TUBGCP2: variants seen among roughly 807,000 people sequenced by gnomAD.
The protein encoded by TUBGCP2 is tubulin gamma complex component 2.
A neutral mutation model predicts 92.2 loss-of-function variants in TUBGCP2; 55 were observed. The ratio of observed to expected loss-of-function variants is 0.60; its 90% CI spans 0.48 to 0.75. The LOEUF is 0.75. Among genes scored for constraint, TUBGCP2 ranks in the 30% least tolerant of loss-of-function variants. TUBGCP2 has a pLI of 0.00. For synonymous variants in TUBGCP2, 533 were observed against 505.2 expected (o/e 1.06, Z -0.74); for missense variants, 1,093 against 1,188.9 (o/e 0.92, Z 1.19).
chr10:133,287,532 A>G (rs551865658), intron 11 of TUBGCP2, among the ~76,000 whole-genome samples: 3 of 152,316 alleles, frequency 2.0e-5, no homozygotes, highest in Non-Finnish European at 2.9e-5. Flanking sequence ...ACCTGAGGTC[A>G]AGAGTTCAAG....
At chr10:133,291,347 A>G (rs867013162) in intron 8 of TUBGCP2, among the ~76,000 whole-genome samples, 20 of 2,740 alleles carry the variant, frequency 7.3e-3, no homozygotes, top group Non-Finnish European at 7.6e-3. Context: ...CGTGTCCCCC[A>G]TGTCCCTCCG....
chr10:133,305,097 G>A (rs1483217882), intron 1 of TUBGCP2, among the ~76,000 whole-genome samples: 1 of 152,252 alleles, frequency 6.6e-6, no homozygotes, highest in African/African-American at 2.4e-5. Flanking sequence ...AGTCAGGCCC[G>A]CCCGCAGTTA....
upstream of TUBGCP2, among the ~76,000 whole-genome samples, chr10:133,311,450 A>G (rs1847985662): frequency 6.6e-6 from 1 of 152,248 alleles, no homozygotes; most frequent in Non-Finnish European, 1.5e-5. Flanking sequence ...CGTTGGCACC[A>G]TAAAAATACT....
chr10:133,293,678 C>A lies in TUBGCP2; in HGVS notation c.708G>T (p.Gln236His), dbSNP rs773586126. 6.2e-7 allele frequency: 1 copy of A among 1,602,170 alleles called. No homozygotes were observed. The highest frequency in any genetic ancestry group is 1.3e-5 in the African/African-American group (1 of 74,950). ...VGVDGRYVSA[Q>H]PLAGRQSRTF... ...TCCGGCTCTGCCTCCCAGCCAGGGG[C>A]TGAGCACTGACGTACCTCCCGTCCA... is the stretch of plus-strand genomic sequence containing the variant. Residue 236 changes from glutamine to histidine, a missense_variant, in exon 6 of 18, where the codon CAG becomes CAT. This residue lies in a region of TUBGCP2 where 490 missense variants were observed against 488.5 expected (regional missense o/e 1.00). Transcript: ENST00000252936.
intron 11 of TUBGCP2, 145 bp downstream of exon 11, chr10:133,287,984 C>A: frequency 1.7e-6 from 2 of 1,171,890 alleles, no homozygotes; most frequent in South Asian, 1.8e-5. Flanking sequence ...GGCAAGCCGG[C>A]CCCGGTAGCC....
upstream of TUBGCP2, chr10:133,310,362 A>G (rs943942265): frequency 6.3e-7 from 1 of 1,580,522 alleles, no homozygotes; most frequent in South Asian, 1.1e-5. Flanking sequence ...CGGAATGCAT[A>G]GACGGTCAGA....
upstream of TUBGCP2, chr10:133,311,887 G>A (rs374617214): frequency 1.2e-5 from 19 of 1,613,086 alleles, no homozygotes; most frequent in African/African-American, 1.1e-4. Flanking sequence ...ACATGTGTTC[G>A]GTGCTGAGGA....
intron 9 of TUBGCP2, 109 bp from the exon 10 acceptor site, chr10:133,289,129 C>T (rs1847208756): frequency 3.2e-6 from 4 of 1,269,134 alleles, no homozygotes; most frequent in Non-Finnish European, 4.3e-6. Flanking sequence ...GGGCTCTCCA[C>T]ACGGTCAGTC....
upstream of TUBGCP2, among the ~76,000 whole-genome samples, chr10:133,311,288 G>A (rs894377097): frequency 6.6e-6 from 1 of 152,120 alleles, no homozygotes; most frequent in Non-Finnish European, 1.5e-5. Context: ...AAAGACTTAC[G>A]TGTAAAGTAA....
upstream of TUBGCP2, chr10:133,310,666 C>A (rs550153154): frequency 3.9e-6 from 1 of 256,068 alleles, no homozygotes; most frequent in Admixed American, 5.0e-5. Flanking sequence ...CTCCTGCAGC[C>A]GTCGGCCGTG....
rs1430399587 is a variant in TUBGCP2 at position 133,285,039 on chromosome 10, C to T, written c.2024+46G>A. ...CGCTGCACCACTGGGCAGAGTGCAG[C>T]GAGCGCTGCTTCAGGAGGGCATGCG... On this transcript the variant is annotated intron_variant, in intron 13 of 17. Coordinates refer to ENST00000252936, the MANE Select transcript of TUBGCP2 (RefSeq NM_006659.4). This position sits in a 1 kb window ranked among gnomAD's most constrained non-coding sequence, Gnocchi z 6.8. 20 of 1,560,212 alleles carry T rather than the reference C, an allele frequency of 1.3e-5. No individual in the cohort carries two copies. Among genetic ancestry groups the T allele is most frequent in the South Asian group, 6.0e-5 (5 of 83,572 alleles).
chr10:133,292,791 G>A, intron 7 of TUBGCP2, 103 bp from the exon 8 acceptor site: 2 of 1,374,550 alleles, frequency 1.5e-6, no homozygotes, highest in Non-Finnish European at 2.0e-6. Context: ...CTTCTTCCTG[G>A]GACGGTGCTG....
At chr10:133,309,503 G>C (rs569651642), upstream of TUBGCP2, 1 of 1,588,408 alleles carries the variant, frequency 6.3e-7, no homozygotes, top group African/African-American at 1.3e-5. Flanking sequence ...CTACTCCTGC[G>C]CCGCCTCCCT....
rs766551476 is a variant in TUBGCP2, at chr10:133,289,972, A to G, written c.1215-3T>C. On this transcript the variant is annotated splice_polypyrimidine_tract_variant and splice_region_variant and intron_variant, in intron 8 of 17. Transcript: ENST00000252936. ...CGTGCTCCTCGACCATAAACTCACTAAAACCACAGGGAGCGCTTCGGTCAC... is the reference window on the plus strand; with the variant it reads ...CGTGCTCCTCGACCATAAACTCACTGAAACCACAGGGAGCGCTTCGGTCAC... 2 of 1,612,782 alleles carry G rather than the reference A, an allele frequency of 1.2e-6. No homozygotes were observed. Among genetic ancestry groups the G allele is most frequent in the Non-Finnish European group, 1.7e-6 (2 of 1,179,002 alleles).
chr10:133,285,573 T>G lies in TUBGCP2; in HGVS notation c.1778A>C (p.Glu593Ala). The G allele has an allele frequency of 6.4e-7, 1 of 1,560,608 alleles. No individual in the cohort carries two copies. The highest frequency in any genetic ancestry group is 8.7e-7 in the Non-Finnish European group (1 of 1,150,718). ...ITQLLRVLAI[E>A]TKQEKAMAHA... ...CGCCATCGCCTTCTCCTGCTTGGTC[T>G]CGATGGCCAGGACGCGCAAGAGCTG... Residue 593 changes from glutamate (E) to alanine (A), a missense_variant, in exon 12 of 18, where the codon GAG (glutamate) becomes GCG (alanine). Glu to Ala is a moderately radical substitution (Grantham distance 107). Around this residue, in one of 3 missense-constraint regions of TUBGCP2, gnomAD observed 598 missense variants for 675.5 expected, o/e 0.89. Coordinates refer to ENST00000252936, the MANE Select transcript of TUBGCP2 (RefSeq NM_006659.4). This position sits in a 1 kb window ranked among gnomAD's most constrained non-coding sequence, Gnocchi z 6.8.
chr10:133,289,709 G>T, intron 9 of TUBGCP2, 115 bp downstream of exon 9: 2 of 1,328,420 alleles, frequency 1.5e-6, no homozygotes, highest in African/African-American at 1.5e-5. Flanking sequence ...GGACACCAGG[G>T]CTCAGGGCAA....
At chr10:133,298,560 C>T (rs1847545230) in intron 4 of TUBGCP2, among the ~76,000 whole-genome samples, 1 of 152,250 alleles carries the variant, frequency 6.6e-6, no homozygotes, top group Non-Finnish European at 1.5e-5. Flanking sequence ...CGGAGAAGGG[C>T]CCCAGCGTGA....
Position 133,288,975 on chromosome 10 carries a change from C to T in TUBGCP2, c.1406G>A (p.Cys469Tyr), listed in dbSNP as rs1331638932. The change falls in exon 10 of 18, where the codon TGC (cysteine) becomes TAC (tyrosine). Residue 469 changes from cysteine to tyrosine, a missense_variant. By Grantham distance (194) the Cys-to-Tyr change is radical. This residue lies in a region of TUBGCP2 where 598 missense variants were observed against 675.5 expected (regional missense o/e 0.89). Coordinates refer to ENST00000252936, the MANE Select transcript of TUBGCP2 (RefSeq NM_006659.4). ...VVRECGHDVT[C>Y]PVAKEIIYTL... Reference sequence around the variant, plus strand: ...GTAGATGATCTCTTTAGCCACCGGGCAGGTGACGTCATGGCCACACTCTCT... The same window carrying T: ...GTAGATGATCTCTTTAGCCACCGGGTAGGTGACGTCATGGCCACACTCTCT... The T allele has an allele frequency of 6.2e-7, 1 of 1,614,072 alleles. No homozygotes were observed. Among genetic ancestry groups the T allele is most frequent in the African/African-American group, 1.3e-5 (1 of 75,042 alleles).
chr10:133,282,883 C>T (rs1259566905), intron 15 of TUBGCP2, among the ~76,000 whole-genome samples, 195 bp downstream of exon 15: 2 of 152,330 alleles, frequency 1.3e-5, no homozygotes, highest in Middle Eastern at 3.4e-3. Flanking sequence ...GCCCTGCCCA[C>T]GCTGCCAGGG....
Sources: allele counts gnomAD v4.1 joint callset (sites outside exome capture counted in the v4.1 genomes callset), GRCh38; gene constraint gnomAD v4.1.1; regional missense constraint gnomAD v4.1.1; non-coding constraint Gnocchi (gnomAD v3.1); transcripts MANE v1.5; gene names NCBI Gene and HGNC (gene_info 2026-07-23, HGNC 2026-07-21).